TUBGCP4: variants seen among roughly 807,000 people sequenced by gnomAD.
TUBGCP4 encodes gamma-tubulin complex component 4.
TUBGCP4 carries 54 observed loss-of-function variants against 91.6 expected under a neutral mutation model. The ratio of observed to expected loss-of-function variants is 0.59; its 90% confidence interval spans 0.47 to 0.74. The LOEUF (loss-of-function observed/expected upper bound fraction) is 0.74. TUBGCP4 is among the 30% of genes least tolerant of loss of function. The pLI is 0.00. For synonymous variants in TUBGCP4, 297 were observed against 302.8 expected, an observed-to-expected ratio of 0.98 and a Z score of 0.20; for missense variants, 593 against 800.9, an observed-to-expected ratio of 0.74 and a Z score of 3.13.
At chr15:43,402,120 A>AC in intron 15 of TUBGCP4, 1 of 277,410 alleles carries the variant, frequency 3.6e-6, no homozygotes, top group Non-Finnish European at 6.9e-6. Context: ...AAAATACAGA[A>AC]GAAAAAAAAA....
chr15:43,409,201 A>G lies in TUBGCP4; in HGVS notation c.*3987A>G. 9.9e-7 allele frequency: 1 copy of G among 1,009,972 alleles called. No homozygotes were observed. Among genetic ancestry groups the G allele is most frequent in the Non-Finnish European group, 1.5e-6 (1 of 665,778 alleles). The allele number at this position is 1,009,972 out of a possible 1,614,324, so 62.6% of individuals were successfully genotyped here. ...AGAGCAGATCTGAAGACTCCCAACT[A>G]CTACCCAAAATGTGATTTAGTCTAT... is the stretch of plus-strand genomic sequence containing the variant. On this transcript the variant is annotated 3_prime_UTR_variant, in exon 18 of 18. Coordinates refer to ENST00000564079, the MANE Select transcript of TUBGCP4 (RefSeq NM_014444.5).
rs1566911156 is a variant in TUBGCP4, at chr15:43,408,053, A to G, written c.*2839A>G. 1 of 1,614,188 alleles carries G rather than the reference A, an allele frequency of 6.2e-7. No homozygotes were observed. The highest frequency in any genetic ancestry group is 8.5e-7 in the Non-Finnish European group (1 of 1,180,010). On this transcript the variant is annotated 3_prime_UTR_variant, in exon 18 of 18. Transcript: ENST00000564079. The stretch of plus-strand genomic sequence containing the variant: ...CTGCTGTTGGTCTGATACCAAGAGT[A>G]CCTTCAGATTCTGGAAAGGATTTTC...
At chr15:43,376,761 C>A (rs571134726) in intron 3 of TUBGCP4, 136 bp downstream of exon 3, 3 of 1,283,838 alleles carry the variant, frequency 2.3e-6, no homozygotes, top group African/African-American at 3.0e-5. Flanking sequence ...ACAGTGTTCT[C>A]TCAGTGATTG....
At chr15:43,373,185 T>C (rs924733939) in intron 1 of TUBGCP4, among the ~76,000 whole-genome samples, 9 of 152,240 alleles carry the variant, frequency 5.9e-5, no homozygotes, top group Non-Finnish European at 1.3e-4. Flanking sequence ...CAAATATTTT[T>C]ATAAATTAAA....
rs2044355277 is a variant in TUBGCP4, at chr15:43,386,194, C to T, written c.890-12C>T. On this transcript the variant is annotated splice_polypyrimidine_tract_variant and intron_variant, in intron 8 of 17. Transcript: ENST00000564079. ...CTCCGTCCTCCTTTGACGGTGTCTT[C>T]CTATTTTGCAGGATCCATTTTGAAA... 2.5e-6 allele frequency: 4 copies of T among 1,601,894 alleles called. No homozygotes were observed. In the East Asian group the frequency reaches 9.0e-5, roughly 36 times the overall value.
At chr15:43,394,444 CTTTTG>C (rs2044545636) in intron 9 of TUBGCP4, 1 of 152,064 alleles carries the variant, frequency 6.6e-6, no homozygotes, top group Admixed American at 6.6e-5. Context: ...TCCAGTTTAC[CTTTTG>C]TTTTTCTTTT....
At chr15:43,400,007 A>C (rs771847057) in intron 13 of TUBGCP4, 37 bp from the exon 14 acceptor site, 127 of 1,569,468 alleles carry the variant, frequency 8.1e-5, no homozygotes, top group Non-Finnish European at 1.1e-4. Flanking sequence ...CAGGGGATGA[A>C]ATTTTTGTCT....
In TUBGCP4 at chr15:43,407,591, T is replaced by C; in HGVS notation, c.*2377T>C. On this transcript the variant is annotated 3_prime_UTR_variant, in exon 18 of 18. Transcript: ENST00000564079. ...AATATCTGCAAGGAGCAAGGGAAAG[T>C]GAAGAAGGAAAGGACACTCAACTTA... 1 of 1,597,996 alleles carries C rather than the reference T, an allele frequency of 6.3e-7. No individual in the cohort carries two copies. Among genetic ancestry groups the C allele is most frequent in the Non-Finnish European group, 8.5e-7 (1 of 1,169,926 alleles).
Position 43,408,797 on chromosome 15 carries a change from C to T in TUBGCP4, c.*3583C>T. On this transcript the variant is annotated 3_prime_UTR_variant, in exon 18 of 18. Coordinates refer to ENST00000564079, the MANE Select transcript of TUBGCP4 (RefSeq NM_014444.5). ...CACTCAAATTTATCCCACAGACATT[C>T]CAATTTCTAGAAAGCTTTACTCTCT... 6 of 1,211,496 alleles carry T rather than the reference C, an allele frequency of 5.0e-6. No individual in the cohort carries two copies. Among genetic ancestry groups the T allele is most frequent in the Non-Finnish European group, 7.1e-6 (6 of 844,844 alleles). The allele number at this position is 1,211,496 out of a possible 1,614,324, so 75.0% of individuals were successfully genotyped here.
At chr15:43,372,369 GTTA>G (rs1420689078) in intron 1 of TUBGCP4, among the ~76,000 whole-genome samples, 2 of 151,970 alleles carry the variant, frequency 1.3e-5, no homozygotes, top group Admixed American at 6.6e-5. Context: ...GTTTCCTTTC[GTTA>G]TTATTTATGA....
At chr15:43,388,986 C>G (rs1374045600) in intron 9 of TUBGCP4, among the ~76,000 whole-genome samples, 2 of 152,130 alleles carry the variant, frequency 1.3e-5, no homozygotes, top group African/African-American at 4.8e-5. Context: ...GAATCTGGCG[C>G]TAGAGGTCAG....
intron 9 of TUBGCP4, among the ~76,000 whole-genome samples, chr15:43,389,573 G>T (rs2044434044): frequency 6.6e-6 from 1 of 151,954 alleles, no homozygotes; most frequent in Non-Finnish European, 1.5e-5. Context: ...CTTGCTCTGG[G>T]TTATTTTTCT....
At position 43,403,721 on chromosome 15, in the gene TUBGCP4, C is replaced by T. The variant is rs755857482; in HGVS notation, c.1770C>T (p.His590=). 3 of 1,613,366 alleles carry T rather than the reference C, an allele frequency of 1.9e-6. No individual in the cohort carries two copies. Among genetic ancestry groups the T allele is most frequent in the Non-Finnish European group, 1.7e-6 (2 of 1,179,948 alleles). The change falls in exon 16 of 18, where the codon CAC becomes CAT. Residue 590 remains histidine (H), a synonymous_variant. Transcript: ENST00000564079. ...HCLNEILDLC[H]SFCSLVSQNL... is the part of the protein sequence containing the mutation. ...TGAATGAAATCCTAGATCTCTGTCA[C>T]AGTTTTTGTTCGCTGGTCAGTCAGA...
chr15:43,388,561 G>A (rs2044418483), intron 9 of TUBGCP4, among the ~76,000 whole-genome samples: 1 of 152,150 alleles, frequency 6.6e-6, no homozygotes, highest in Non-Finnish European at 1.5e-5. Flanking sequence ...TTTCATTTTT[G>A]AAAATTGAAT....
chr15:43,400,212 C>T lies in TUBGCP4; in HGVS notation c.1587C>T (p.Tyr529=), dbSNP rs936303315. The T allele has an allele frequency of 6.2e-7, 1 of 1,614,054 alleles. No individual in the cohort carries two copies. The change falls in exon 14 of 18, where the codon TAC becomes TAT. Residue 529 remains tyrosine, a synonymous_variant. Coordinates refer to ENST00000564079, the MANE Select transcript of TUBGCP4 (RefSeq NM_014444.5). ...HMAFLVDNLQ[Y]YLQVDVLESQ... is the part of the protein sequence containing the mutation. ...CATTTTTGGTGGATAATCTTCAGTACTATCTCCAGGTCTGTGCTAAGAGAT... is the reference window on the plus strand; with the variant it reads ...CATTTTTGGTGGATAATCTTCAGTATTATCTCCAGGTCTGTGCTAAGAGAT...
intron 12 of TUBGCP4, among the ~76,000 whole-genome samples, chr15:43,397,602 C>CT (rs1313719038): frequency 6.6e-6 from 1 of 151,942 alleles, no homozygotes; most frequent in African/African-American, 2.4e-5. Context: ...GATTTTAAGG[C>CT]TGAGGAAAGA....
At position 43,409,658 on chromosome 15, in the gene TUBGCP4, T is replaced by A; in HGVS notation, c.*4444T>A. 6.5e-7 allele frequency: 1 copy of A among 1,548,118 alleles called. No individual in the cohort carries two copies. Among genetic ancestry groups the A allele is most frequent in the Non-Finnish European group, 8.7e-7 (1 of 1,147,936 alleles). ...AAGAAACTCCTCACCTGGGCTTCAT[T>A]GAAATCTTCAAGGATATAGCCAGCT... On this transcript the variant is annotated 3_prime_UTR_variant, in exon 18 of 18. Coordinates refer to ENST00000564079, the MANE Select transcript of TUBGCP4 (RefSeq NM_014444.5).
In TUBGCP4 at chr15:43,409,748, T is replaced by TAAA; in HGVS notation, c.*4543_*4545dup. On this transcript the variant is annotated 3_prime_UTR_variant, in exon 18 of 18. Transcript: ENST00000564079. ...GGAGGAATTTCCAAAAATTCTATATTAAAAAAAAAAACCAAGATAATAATT... is the reference window on the plus strand; with the variant it reads ...GGAGGAATTTCCAAAAATTCTATATTAAAAAAAAAAAAAACCAAGATAATAATT... The TAAA allele has an allele frequency of 6.5e-6, 8 of 1,223,284 alleles. No homozygotes were observed. The highest frequency in any genetic ancestry group is 1.6e-5 in the African/African-American group (1 of 62,886). 75.8% of individuals were successfully genotyped at this position (1,223,284 alleles called of 1,614,324 possible).
chr15:43,377,925 T>A, intron 5 of TUBGCP4, 22 bp downstream of exon 5: 2 of 1,574,216 alleles, frequency 1.3e-6, no homozygotes, highest in Non-Finnish European at 1.7e-6. Flanking sequence ...CCTTATTCCT[T>A]TTGCTTTGCT....
Sources: allele counts gnomAD v4.1 joint callset (sites outside exome capture counted in the v4.1 genomes callset), GRCh38; gene constraint gnomAD v4.1.1; transcripts MANE v1.5; gene names NCBI Gene and HGNC (gene_info 2026-07-23, HGNC 2026-07-21).